ETV4: variants seen among roughly 807,000 people sequenced by gnomAD.
The protein encoded by ETV4 is ETS variant transcription factor 4.
ETV4 carries 42 observed loss-of-function variants against 65.9 expected under a neutral mutation model. That is an observed-to-expected ratio of 0.64 (90% CI 0.50 to 0.82). The LOEUF (loss-of-function observed/expected upper bound fraction) is 0.82, where lower values mean the gene tolerates loss of function less well. Ranked by LOEUF, ETV4 falls within the 40% of genes least tolerant of loss-of-function variation. ETV4 has a pLI of 0.00. For missense variants in ETV4, 583 were observed against 630.3 expected (o/e 0.92, Z 0.80); for synonymous variants, 238 against 260.0 (o/e 0.92, Z 0.81).
In ETV4 at chr17:43,528,704, G is replaced by A. The variant is rs1353895815; in HGVS notation, c.1270C>T (p.Pro424Ser). The A allele has an allele frequency of 2.5e-6, 4 of 1,614,134 alleles. No homozygotes were observed. The highest frequency in any genetic ancestry group is 3.3e-5 in the Admixed American group (2 of 60,016). ...AAGGCCAAAGAGAAGAGGGCCTCGG[G>A]CTCACACACAAACTTGTACACGTAA... ...ERYVYKFVCEPEALFSLAFPD... is the reference protein window; with the variant it reads ...ERYVYKFVCESEALFSLAFPD... The change falls in exon 13 of 13, where the codon CCC (proline) becomes TCC (serine). Residue 424 changes from proline to serine, a missense_variant. Pro to Ser is a moderately conservative substitution (Grantham distance 74). Coordinates refer to ENST00000319349, the MANE Select transcript of ETV4 (RefSeq NM_001079675.5).
intron 1 of ETV4, chr17:43,545,879 C>G: frequency 1.7e-6 from 1 of 587,120 alleles, no homozygotes; most frequent in South Asian, 2.0e-5. Flanking sequence ...AGGAGCCGGG[C>G]TCGCCGTTTC....
At position 43,528,485 on chromosome 17, in the gene ETV4, A is replaced by C. The variant is rs755899580; in HGVS notation, c.*34T>G. ...TTCATTTATATGTACACAGGGCAGC[A>C]CCCACCTGCGGCAGGGGGAACAGCC... On this transcript the variant is annotated 3_prime_UTR_variant, in exon 13 of 13. Transcript: ENST00000319349. The C allele has an allele frequency of 6.3e-6, 9 of 1,439,524 alleles. No individual in the cohort carries two copies. The highest frequency in any genetic ancestry group is 7.7e-6 in the Non-Finnish European group (8 of 1,039,898). The allele number at this position is 1,439,524 out of a possible 1,614,324, so 89.2% of individuals were successfully genotyped here. A position where few individuals can be genotyped will look rare whatever the true frequency, so the allele number is the denominator to read the frequency against.
chr17:43,541,209 G>T (rs973940898), intron 4 of ETV4, among the ~76,000 whole-genome samples: 3 of 152,212 alleles, frequency 2.0e-5, no homozygotes, highest in African/African-American at 7.2e-5. Flanking sequence ...AAAGGGGTAG[G>T]CCAGGGCCCT....
At chr17:43,540,900 G>A (rs146806393) in intron 4 of ETV4, among the ~76,000 whole-genome samples, 4 of 152,026 alleles carry the variant, frequency 2.6e-5, no homozygotes, top group African/African-American at 4.8e-5. Context: ...GGTGGCTGAC[G>A]CATTCCGGCC....
Position 43,545,029 on chromosome 17 carries a change from G to A in ETV4, c.155-7C>T. ...CTTAGATCCTGGAAGAGATCTGAGG[G>A]GTAAATAGTGGAATTGGAGGTGAGG... On this transcript the variant is annotated splice_region_variant and splice_polypyrimidine_tract_variant and intron_variant, in intron 3 of 12. Coordinates refer to ENST00000319349, the MANE Select transcript of ETV4 (RefSeq NM_001079675.5). The A allele has an allele frequency of 1.9e-6, 3 of 1,613,686 alleles. No individual in the cohort carries two copies. Among genetic ancestry groups the A allele is most frequent in the South Asian group, 1.1e-5 (1 of 91,058 alleles).
At chr17:43,532,319 C>A (rs551033401) in intron 8 of ETV4, among the ~76,000 whole-genome samples, 1 of 152,028 alleles carries the variant, frequency 6.6e-6, no homozygotes, top group Non-Finnish European at 1.5e-5. Flanking sequence ...GCCAGCATGG[C>A]GAAACCCCAT....
chr17:43,539,726 G>A (rs1971424813), intron 4 of ETV4, among the ~76,000 whole-genome samples: 1 of 152,136 alleles, frequency 6.6e-6, no homozygotes, highest in Admixed American at 6.5e-5. Flanking sequence ...TTCCCTGCAG[G>A]CTCCCCCTCT....
At position 43,533,297 on chromosome 17, in the gene ETV4, G is replaced by C; in HGVS notation, c.435C>G (p.Ala145=). The C allele has an allele frequency of 6.2e-7, 1 of 1,613,954 alleles. No homozygotes were observed. Among genetic ancestry groups the C allele is most frequent in the East Asian group, 2.2e-5 (1 of 44,876 alleles). ...QIAIKSPAPG[A]LGQSPLQPFP... The stretch of plus-strand genomic sequence containing the variant: ...AGGGCTGTAGGGGCGACTGTCCAAG[G>C]GCACCAGGGGCAGGGGACTTGATGG... The change falls in exon 7 of 13, where the codon GCC becomes GCG. Residue 145 remains alanine, a synonymous_variant. Transcript: ENST00000319349.
chr17:43,543,296 T>TCTCTCTCTCTCACA (rs888736657), intron 4 of ETV4, among the ~76,000 whole-genome samples: 1 of 143,358 alleles, frequency 7.0e-6, no homozygotes, highest in African/African-American at 2.6e-5. Flanking sequence ...TCTCTCTCTC[T>TCTCTCTCTCTCACA]CACACACACA....
chr17:43,541,036 C>A (rs1189415132), intron 4 of ETV4, among the ~76,000 whole-genome samples: 3 of 152,146 alleles, frequency 2.0e-5, no homozygotes, highest in African/African-American at 7.2e-5. Context: ...CTTCCTGCCT[C>A]GGGCCTGACA....
chr17:43,541,390 T>A (rs1020840075), intron 4 of ETV4, among the ~76,000 whole-genome samples: 2 of 152,118 alleles, frequency 1.3e-5, no homozygotes, highest in Admixed American at 6.5e-5. Context: ...CCAGGGTCTG[T>A]CCCCAGCTCC....
chr17:43,530,594 C>T (rs908581054), intron 8 of ETV4, among the ~76,000 whole-genome samples: 2 of 133,756 alleles, frequency 1.5e-5, no homozygotes, highest in Non-Finnish European at 3.2e-5. Flanking sequence ...AGGTTCCCAG[C>T]CCTGTGCACG....
At chr17:43,544,882 G>A in intron 4 of ETV4, 93 bp downstream of exon 4, 1 of 1,213,928 alleles carries the variant, frequency 8.2e-7, no homozygotes, top group South Asian at 1.3e-5. Context: ...GGAAGGGAGA[G>A]GAGAAGTGTA....
intron 4 of ETV4, chr17:43,544,464 T>G (rs1298563666): frequency 6.5e-6 from 1 of 153,306 alleles, no homozygotes; most frequent in Non-Finnish European, 1.5e-5. Context: ...TTTAAACTTT[T>G]GTTGTTCTTT....
At chr17:43,545,175 CG>C in intron 3 of ETV4, 98 bp downstream of exon 3, 2 of 1,219,352 alleles carry the variant, frequency 1.6e-6, no homozygotes, top group Non-Finnish European at 2.3e-6. Context: ...GGGAAACAGG[CG>C]GGGGTTCCAG....
At position 43,534,094 on chromosome 17, in the gene ETV4, C is replaced by T. The variant is rs28428560; in HGVS notation, c.257-109G>A. 9 of 1,183,040 alleles carry T rather than the reference C, an allele frequency of 7.6e-6. No individual in the cohort carries two copies. The Admixed American group carries it at 2.9e-4, about 38-fold the overall frequency. 73.3% of individuals were successfully genotyped at this position (1,183,040 alleles called of 1,614,324 possible). ...GGACCAGCTGGGTGACTGGTACAGC[C>T]TCCTTCCCTCTCTGGGTATCAATTT... On this transcript the variant is annotated intron_variant, in intron 5 of 12. Coordinates refer to ENST00000319349, the MANE Select transcript of ETV4 (RefSeq NM_001079675.5).
intron 4 of ETV4, among the ~76,000 whole-genome samples, chr17:43,542,486 C>T (rs1971573699): frequency 6.6e-6 from 1 of 152,278 alleles, no homozygotes; most frequent in Admixed American, 6.5e-5. Flanking sequence ...TAGCCAGACA[C>T]ATATTGGGCT....
At position 43,542,595 on chromosome 17, in the gene ETV4, C is replaced by T. The variant is rs1169217080; in HGVS notation, c.202+2380G>A. On this transcript the variant is annotated intron_variant, in intron 4 of 12. Transcript: ENST00000319349. ...CCCAAATCAGACACGCCCTCCTAGCCTCACATCATTCACCCCTGTGTACAA... is the reference window on the plus strand; with the variant it reads ...CCCAAATCAGACACGCCCTCCTAGCTTCACATCATTCACCCCTGTGTACAA... Among the ~76,000 whole-genome samples, 4 of 152,182 alleles carry T rather than the reference C, an allele frequency of 2.6e-5. No individual in the cohort carries two copies. In the East Asian group the frequency reaches 7.7e-4, roughly 29 times the overall value.
At chr17:43,545,130 G>T (rs889730104) in intron 3 of ETV4, 108 bp from the exon 4 acceptor site, 26 of 1,368,858 alleles carry the variant, frequency 1.9e-5, no homozygotes, top group Non-Finnish European at 2.7e-5. Context: ...GGACCGAGAA[G>T]AATGACCAAA....
Sources: gnomAD v4.1 joint callset for allele counts (sites outside exome capture counted in the v4.1 genomes callset) on GRCh38, gnomAD v4.1.1 for gene constraint, MANE v1.5 for transcripts, NCBI Gene and HGNC (gene_info 2026-07-23, HGNC 2026-07-21) for gene names.